Variants in CEP128 observed in about 807,000 individuals in gnomAD.
The protein encoded by CEP128 is centrosomal protein 128kDa.
Under a neutral mutation model 156.7 loss-of-function variants are expected in CEP128, and 132 were observed. That is an observed-to-expected ratio of 0.84 (90% CI 0.73 to 0.97). The LOEUF is 0.97. Ranked by LOEUF, CEP128 falls within the 50% of genes least tolerant of loss-of-function variation. CEP128 has a pLI of 0.00. For missense variants in CEP128, 1,252 were observed against 1,281.9 expected, an observed-to-expected ratio of 0.98 and a Z score of 0.36; for synonymous variants, 469 against 448.9, an observed-to-expected ratio of 1.04 and a Z score of -0.57.
At chr14:80,622,771 A>T (rs1167156420) in intron 19 of CEP128, among the ~76,000 whole-genome samples, 1 of 150,694 alleles carries the variant, frequency 6.6e-6, no homozygotes, top group Non-Finnish European at 1.5e-5. Flanking sequence ...ACCATCTCAT[A>T]CCAGTTAGAA....
At chr14:80,922,357 T>G (rs1348754143) in intron 2 of CEP128, among the ~76,000 whole-genome samples, 1 of 152,214 alleles carries the variant, frequency 6.6e-6, no homozygotes. Flanking sequence ...CTGAAGAGCA[T>G]TCACTGACCA....
chr14:80,760,690 T>C (rs752582086), intron 17 of CEP128, among the ~76,000 whole-genome samples: 1 of 152,068 alleles, frequency 6.6e-6, no homozygotes, highest in Non-Finnish European at 1.5e-5. Context: ...GTATGTAAAA[T>C]AGCAGCAAAA....
chr14:80,789,432 G>A (rs540955360), intron 14 of CEP128, among the ~76,000 whole-genome samples: 20 of 152,154 alleles, frequency 1.3e-4, no homozygotes, highest in Middle Eastern at 3.4e-3. Flanking sequence ...TTTCAGTGAC[G>A]GTCACTATAA....
chr14:80,756,022 G>T (rs1277627584), intron 18 of CEP128, among the ~76,000 whole-genome samples: 1 of 152,174 alleles, frequency 6.6e-6, no homozygotes, highest in Admixed American at 6.5e-5. Context: ...AAAGCTTTCT[G>T]TTCAGAAATG....
chr14:80,685,600 T>A (rs1896493884), intron 19 of CEP128, among the ~76,000 whole-genome samples: 3 of 151,496 alleles, frequency 2.0e-5, no homozygotes, highest in Non-Finnish European at 4.4e-5. Context: ...AAATTAAATA[T>A]AAAAAAAATT....
chr14:80,737,718 A>G (rs1898607230), intron 19 of CEP128, among the ~76,000 whole-genome samples: 1 of 151,728 alleles, frequency 6.6e-6, no homozygotes, highest in Non-Finnish European at 1.5e-5. Flanking sequence ...TCATCTCTAT[A>G]CAAAAATTAA....
At chr14:80,914,449 T>A (rs1417543543) in intron 3 of CEP128, 41 bp from the exon 4 acceptor site, 7 of 1,439,238 alleles carry the variant, frequency 4.9e-6, no homozygotes, top group African/African-American at 1.4e-5. Context: ...TTCCAAATAC[T>A]TTTTTTTCCT....
At chr14:80,879,681 T>TA (rs1196677061) in intron 8 of CEP128, among the ~76,000 whole-genome samples, 1 of 151,940 alleles carries the variant, frequency 6.6e-6, no homozygotes, top group Non-Finnish European at 1.5e-5. Context: ...AGTAAAGACT[T>TA]ATAAAAAACC....
intron 21 of CEP128, among the ~76,000 whole-genome samples, chr14:80,545,720 A>C (rs1889954187): frequency 6.6e-6 from 1 of 152,218 alleles, no homozygotes; most frequent in African/African-American, 2.4e-5. Context: ...TGATGCTATC[A>C]GCAGAAAAGA....
intron 9 of CEP128, among the ~76,000 whole-genome samples, chr14:80,856,760 T>TC (rs1887195065): frequency 7.8e-6 from 1 of 128,470 alleles, no homozygotes; most frequent in African/African-American, 2.9e-5. Flanking sequence ...AGACAGGGTC[T>TC]CAATCTGTCA....
rs145466160 is a variant in CEP128 at position 80,582,302 on chromosome 14, C to T, written c.2807-1879G>A. Among the ~76,000 whole-genome samples the T allele has an allele frequency of 5.9e-3, 896 of 152,186 alleles. 26 individuals carry two copies. Among genetic ancestry groups the T allele is most frequent in the Non-Finnish European group, 1.3e-3 (86 of 68,030 alleles). On this transcript the variant is annotated intron_variant, in intron 19 of 24. Transcript: ENST00000555265. ...TGGAATTTTGGAGTGGTTTGGTACC[C>T]GGGACTTGCCAACTGAAAGCAATGA...
intron 20 of CEP128, among the ~76,000 whole-genome samples, chr14:80,579,777 G>A (rs1891510464): frequency 6.6e-6 from 1 of 152,174 alleles, no homozygotes; most frequent in African/African-American, 2.4e-5. Flanking sequence ...TTACCCATTT[G>A]TAAGTTAGCC....
intron 15 of CEP128, 39 bp from the exon 16 acceptor site, chr14:80,778,085 C>A (rs781273210): frequency 3.7e-5 from 59 of 1,574,954 alleles, no homozygotes; most frequent in Middle Eastern, 1.7e-4. Flanking sequence ...AGTCCACTAG[C>A]CATAGCCAAA....
At chr14:80,558,192 T>A (rs1890517128) in intron 21 of CEP128, among the ~76,000 whole-genome samples, 1 of 152,214 alleles carries the variant, frequency 6.6e-6, no homozygotes. Context: ...CTTGAAATTT[T>A]TCCATTTAAT....
At chr14:80,566,187 C>T (rs1483647218) in intron 20 of CEP128, among the ~76,000 whole-genome samples, 1 of 152,196 alleles carries the variant, frequency 6.6e-6, no homozygotes, top group Non-Finnish European at 1.5e-5. Flanking sequence ...GAGACCACTG[C>T]ATGGCGTTCT....
At chr14:80,787,611 G>A (rs986820463) in intron 14 of CEP128, among the ~76,000 whole-genome samples, 1 of 152,086 alleles carries the variant, frequency 6.6e-6, no homozygotes. Flanking sequence ...CCAAACTGGA[G>A]AACACAAGAA....
At chr14:80,550,812 T>TA (rs35063739) in intron 21 of CEP128, among the ~76,000 whole-genome samples, 21,500 of 137,082 alleles carry the variant, frequency 0.16, 1,816 homozygotes, top group East Asian at 0.22. Context: ...ATGTGAAATG[T>TA]AAAAAAAAAA....
intron 19 of CEP128, among the ~76,000 whole-genome samples, chr14:80,740,793 G>A (rs936027017): frequency 6.6e-6 from 1 of 152,072 alleles, no homozygotes; most frequent in Non-Finnish European, 1.5e-5. Flanking sequence ...ACCCTTAGAT[G>A]TGTCTTCTAA....
At chr14:80,489,444 G>T (rs1887249909), downstream of CEP128, among the ~76,000 whole-genome samples, 1 of 146,846 alleles carries the variant, frequency 6.8e-6, no homozygotes, top group Non-Finnish European at 1.5e-5. Context: ...GCACTCTGAG[G>T]TAGGTAATAT....
Sources: allele counts gnomAD v4.1 joint callset (sites outside exome capture counted in the v4.1 genomes callset), GRCh38; gene constraint gnomAD v4.1.1; transcripts MANE v1.5; gene names NCBI Gene and HGNC (gene_info 2026-07-23, HGNC 2026-07-21).